SLC35F3: variants seen among roughly 807,000 people sequenced by gnomAD.
SLC35F3 encodes the protein solute carrier family 35 member F3.
SLC35F3 carries 25 observed loss-of-function variants against 49.9 expected under a neutral mutation model. The ratio of observed to expected loss-of-function variants is 0.50; its 90% confidence interval spans 0.37 to 0.70. SLC35F3 has a LOEUF of 0.70. Ranked by LOEUF, SLC35F3 falls within the 30% of genes least tolerant of loss-of-function variation. The probability of loss-of-function intolerance (pLI) is 0.00; values close to 1 mark genes in which losing one functional copy is unlikely to be tolerated. For synonymous variants in SLC35F3, 275 were observed against 265.4 expected, an observed-to-expected ratio of 1.04 and a Z score of -0.35; for missense variants, 525 against 639.8, an observed-to-expected ratio of 0.82 and a Z score of 1.94.
chr1:233,942,200 AG>A (rs1662438119), intron 2 of SLC35F3, among the ~76,000 whole-genome samples: 3 of 151,574 alleles, frequency 2.0e-5, no homozygotes. Context: ...TGACCTTGTG[AG>A]CCGCCCGCCT....
At chr1:234,180,017 G>C (rs187403705) in intron 2 of SLC35F3, among the ~76,000 whole-genome samples, 1 of 152,174 alleles carries the variant, frequency 6.6e-6, no homozygotes, top group African/African-American at 2.4e-5. Flanking sequence ...CCTATAGCTC[G>C]ATCCTAGAAT....
At chr1:234,310,896 C>T (rs1471825045) in intron 4 of SLC35F3, among the ~76,000 whole-genome samples, 1 of 152,184 alleles carries the variant, frequency 6.6e-6, no homozygotes, top group Non-Finnish European at 1.5e-5. Flanking sequence ...TACTGCTATG[C>T]ATGGATAAGA....
At chr1:234,024,733 A>T (rs1663951901) in intron 2 of SLC35F3, among the ~76,000 whole-genome samples, 2 of 152,312 alleles carry the variant, frequency 1.3e-5, no homozygotes, top group African/African-American at 4.8e-5. Context: ...TATTTCCTTC[A>T]TGAGCAACGA....
intron 2 of SLC35F3, among the ~76,000 whole-genome samples, chr1:234,145,743 C>T (rs985498525): frequency 6.6e-6 from 1 of 152,100 alleles, no homozygotes; most frequent in African/African-American, 2.4e-5. Flanking sequence ...AAATACTACA[C>T]CATTTTATAC....
rs1553317673 is a variant in SLC35F3 at position 234,236,925 on chromosome 1, T to TTTTATATATA, written c.608+5185_608+5186insTTATATATAT. ...AGACAGTCTCCTATTAAAAAAAAAA[T>TTTTATATATA]TATATATATATATATATATATATAT... On this transcript the variant is annotated intron_variant, in intron 3 of 7. Coordinates refer to ENST00000366618, the MANE Select transcript of SLC35F3 (RefSeq NM_173508.4). 1.9e-4 allele frequency among the ~76,000 whole-genome samples: 18 copies of TTTTATATATA among 96,290 alleles called. No individual in the cohort carries two copies. In the East Asian group the frequency reaches 2.1e-3, roughly 11 times the overall value. 63.2% of individuals were successfully genotyped at this position (96,290 alleles called of 152,430 possible).
At chr1:234,254,086 A>C (rs953373453) in intron 3 of SLC35F3, among the ~76,000 whole-genome samples, 1 of 151,842 alleles carries the variant, frequency 6.6e-6, no homozygotes, top group Non-Finnish European at 1.5e-5. Context: ...CTCGCTTGTG[A>C]CTCTCTGGAT....
intron 4 of SLC35F3, among the ~76,000 whole-genome samples, chr1:234,313,293 C>T (rs1189021930): frequency 6.6e-6 from 1 of 152,214 alleles, no homozygotes; most frequent in Non-Finnish European, 1.5e-5. Context: ...GTTTCTGTTG[C>T]CTTCCCATTC....
chr1:234,262,985 G>A (rs754144724), intron 3 of SLC35F3, among the ~76,000 whole-genome samples: 6 of 152,222 alleles, frequency 3.9e-5, no homozygotes, highest in Non-Finnish European at 5.9e-5. Flanking sequence ...GCTACAGTTT[G>A]TATCCGGAGC....
At chr1:234,012,944 A>G (rs897123080) in intron 2 of SLC35F3, among the ~76,000 whole-genome samples, 3 of 152,216 alleles carry the variant, frequency 2.0e-5, no homozygotes, top group Non-Finnish European at 2.9e-5. Flanking sequence ...CAGAAAATTA[A>G]TAGGACAATA....
At chr1:233,998,250 T>TA (rs1663494204) in intron 2 of SLC35F3, among the ~76,000 whole-genome samples, 5 of 152,114 alleles carry the variant, frequency 3.3e-5, no homozygotes, top group Admixed American at 3.3e-4. Context: ...TCAATCATTC[T>TA]CCTACCTAGC....
At chr1:233,969,074 C>T (rs1662950266) in intron 2 of SLC35F3, among the ~76,000 whole-genome samples, 1 of 150,388 alleles carries the variant, frequency 6.6e-6, no homozygotes, top group Non-Finnish European at 1.5e-5. Flanking sequence ...GGGGGGGACA[C>T]AATTCAACCC....
intron 2 of SLC35F3, among the ~76,000 whole-genome samples, chr1:233,912,645 A>G (rs1255813380): frequency 6.6e-6 from 1 of 152,206 alleles, no homozygotes; most frequent in Admixed American, 6.5e-5. Context: ...ACTGAACCCA[A>G]TATACACTAT....
At chr1:234,130,422 C>T (rs34787762) in intron 2 of SLC35F3, among the ~76,000 whole-genome samples, 53,805 of 149,516 alleles carry the variant, frequency 0.36, 12,380 homozygotes, top group Non-Finnish European at 0.52. Flanking sequence ...GGGCAGATCA[C>T]GAGGTCAGGA....
At chr1:234,159,350 G>A (rs1305080700) in intron 2 of SLC35F3, among the ~76,000 whole-genome samples, 1 of 152,142 alleles carries the variant, frequency 6.6e-6, no homozygotes, top group Non-Finnish European at 1.5e-5. Flanking sequence ...ACTGAGGTGG[G>A]TGGATCACCT....
intron 2 of SLC35F3, among the ~76,000 whole-genome samples, chr1:233,975,727 G>A (rs1352171084): frequency 1.3e-5 from 2 of 152,130 alleles, no homozygotes; most frequent in Non-Finnish European, 2.9e-5. Flanking sequence ...GACATGCGTC[G>A]GCCAGCACCC....
intron 2 of SLC35F3, among the ~76,000 whole-genome samples, chr1:234,222,543 CT>C (rs1667222464): frequency 6.6e-6 from 1 of 152,194 alleles, no homozygotes; most frequent in South Asian, 2.1e-4. Flanking sequence ...AGATGCCATA[CT>C]CCCCCATCCC....
At chr1:234,141,466 A>G (rs1665912706) in intron 2 of SLC35F3, among the ~76,000 whole-genome samples, 1 of 152,206 alleles carries the variant, frequency 6.6e-6, no homozygotes, top group Non-Finnish European at 1.5e-5. Flanking sequence ...TTGGATATAT[A>G]CATACACCTG....
intron 2 of SLC35F3, among the ~76,000 whole-genome samples, chr1:234,055,533 C>G (rs528686937): frequency 1.4e-4 from 22 of 152,286 alleles, no homozygotes; most frequent in Admixed American, 1.4e-3. Flanking sequence ...GGGAGTTTCC[C>G]GATTTTCCTG....
intron 2 of SLC35F3, among the ~76,000 whole-genome samples, chr1:234,167,908 T>C (rs570627361): frequency 2.0e-5 from 3 of 152,328 alleles, no homozygotes; most frequent in South Asian, 2.1e-4. Context: ...TGGCGCACTT[T>C]CTGGAATAAG....
Sources: gnomAD v4.1 joint callset for allele counts (sites outside exome capture counted in the v4.1 genomes callset) on GRCh38, gnomAD v4.1.1 for gene constraint, MANE v1.5 for transcripts, NCBI Gene and HGNC (gene_info 2026-07-23, HGNC 2026-07-21) for gene names.